Variants in NFASC observed in about 807,000 individuals in gnomAD.
The protein encoded by NFASC is neurofascin, also known as neurofascin homolog.
A neutral mutation model predicts 147.5 loss-of-function variants in NFASC; 43 were observed. That is an observed-to-expected ratio of 0.29 (90% CI 0.23 to 0.38). The LOEUF is 0.38. Ranked by LOEUF, NFASC falls within the 10% of genes least tolerant of loss-of-function variation. The probability of loss-of-function intolerance (pLI) is 1.00; values close to 1 mark genes in which losing one functional copy is unlikely to be tolerated. For synonymous variants in NFASC, 622 were observed against 665.5 expected (o/e 0.93, Z 1.01); for missense variants, 1,320 against 1,689.0 (o/e 0.78, Z 3.83).
intron 27 of NFASC, among the ~76,000 whole-genome samples, chr1:205,003,470 GT>G (rs2096039823): frequency 6.6e-6 from 1 of 152,196 alleles, no homozygotes; most frequent in Admixed American, 6.5e-5. Context: ...AGCAATCTCT[GT>G]GCTAGTAGGG....
At chr1:204,832,462 G>A (rs1288221997) in intron 1 of NFASC, among the ~76,000 whole-genome samples, 3 of 152,122 alleles carry the variant, frequency 2.0e-5, no homozygotes, top group African/African-American at 7.2e-5. Flanking sequence ...TTATGGGGAG[G>A]TCAGAGTCAG....
chr1:204,992,221 C>T (rs2095752371), intron 24 of NFASC, among the ~76,000 whole-genome samples: 1 of 152,172 alleles, frequency 6.6e-6, no homozygotes, highest in Non-Finnish European at 1.5e-5. Context: ...ACAGGATTCA[C>T]CCTGGCAGAG....
At chr1:204,894,513 C>T (rs941016955) in intron 1 of NFASC, among the ~76,000 whole-genome samples, 9 of 152,156 alleles carry the variant, frequency 5.9e-5, no homozygotes, top group African/African-American at 2.2e-4. Flanking sequence ...TTACAAAGAG[C>T]CTAGATATTA....
rs757694951 is a variant in NFASC, at chr1:204,950,542, C to T, written c.92-15C>T. ...CTTTTCTCCCTCTCCAATGCTAACC[C>T]GTCGGAACTAACAGCAAGCATTCAG... On this transcript the variant is annotated splice_polypyrimidine_tract_variant and intron_variant, in intron 3 of 29. Transcript: ENST00000339876. 20 of 1,611,338 alleles carry T rather than the reference C, an allele frequency of 1.2e-5. No individual in the cohort carries two copies. Among genetic ancestry groups the T allele is most frequent in the African/African-American group, 6.7e-5 (5 of 74,998 alleles).
intron 2 of NFASC, among the ~76,000 whole-genome samples, chr1:204,932,672 G>A (rs2092469034): frequency 2.6e-5 from 4 of 152,218 alleles, no homozygotes; most frequent in Admixed American, 2.0e-4. Flanking sequence ...ACTGTCTGTG[G>A]CTGCTTTCAC....
chr1:204,924,544 TG>T (rs1387519827), intron 2 of NFASC, among the ~76,000 whole-genome samples: 1 of 152,104 alleles, frequency 6.6e-6, no homozygotes. Context: ...TGGAAGAAGC[TG>T]GGGTGGAGTG....
At chr1:204,942,850 C>A (rs1206662757) in intron 2 of NFASC, among the ~76,000 whole-genome samples, 1 of 152,102 alleles carries the variant, frequency 6.6e-6, no homozygotes, top group Admixed American at 6.5e-5. Context: ...GAATAAGAAT[C>A]CTTTAGTTTG....
chr1:204,996,567 G>A (rs774957334), intron 24 of NFASC, among the ~76,000 whole-genome samples: 4 of 152,346 alleles, frequency 2.6e-5, no homozygotes, highest in Non-Finnish European at 4.4e-5. Flanking sequence ...GGAGGAGGGC[G>A]AGGGCAGGCA....
At chr1:204,962,800 T>C (rs959445665) in intron 8 of NFASC, among the ~76,000 whole-genome samples, 3 of 152,136 alleles carry the variant, frequency 2.0e-5, no homozygotes, top group Admixed American at 6.5e-5. Flanking sequence ...TGGTAGTATA[T>C]GCAAATCAAA....
At chr1:204,978,930 C>G (rs2095462623) in intron 17 of NFASC, 38 bp from the exon 18 acceptor site, 2 of 1,491,700 alleles carry the variant, frequency 1.3e-6, no homozygotes, top group Middle Eastern at 1.8e-4. Context: ...TGGACCTGCT[C>G]TAACTCAGGA....
chr1:204,940,951 A>G (rs1184895834), intron 2 of NFASC, among the ~76,000 whole-genome samples: 1 of 152,198 alleles, frequency 6.6e-6, no homozygotes, highest in Non-Finnish European at 1.5e-5. Context: ...ATCCTTTTGC[A>G]CATATACCTT....
At chr1:204,876,798 G>T (rs2078877495) in intron 1 of NFASC, among the ~76,000 whole-genome samples, 1 of 151,688 alleles carries the variant, frequency 6.6e-6, no homozygotes, top group Admixed American at 6.6e-5. Flanking sequence ...TTTCCAGGCT[G>T]AATAATATTC....
At chr1:204,878,357 GT>G (rs1266683681) in intron 1 of NFASC, among the ~76,000 whole-genome samples, 1 of 152,156 alleles carries the variant, frequency 6.6e-6, no homozygotes, top group Non-Finnish European at 1.5e-5. Context: ...AGTAAATGCA[GT>G]TTTCGCCGTT....
chr1:204,842,580 C>T (rs546737298), intron 1 of NFASC, among the ~76,000 whole-genome samples: 1 of 152,348 alleles, frequency 6.6e-6, no homozygotes, highest in South Asian at 2.1e-4. Flanking sequence ...AACAAATCCC[C>T]TGTCACCCAG....
At position 204,968,067 on chromosome 1, in the gene NFASC, G is replaced by T; in HGVS notation, c.707-182G>T. The T allele has an allele frequency of 5.2e-6, 3 of 574,356 alleles. No individual in the cohort carries two copies. Among genetic ancestry groups the T allele is most frequent in the Non-Finnish European group, 6.3e-6 (2 of 318,710 alleles). The allele number at this position is 574,356 out of a possible 1,614,324, so 35.6% of individuals were successfully genotyped here. A position where few individuals can be genotyped will look rare whatever the true frequency, so the allele number is the denominator to read the frequency against. Reference sequence around the variant, plus strand: ...AGCTCCTCTCTCTCATGTAGGTGGGGCTGAGGAGCCCTGGGCTTCCTAACA... The same window carrying T: ...AGCTCCTCTCTCTCATGTAGGTGGGTCTGAGGAGCCCTGGGCTTCCTAACA... On this transcript the variant is annotated intron_variant, in intron 8 of 29. Coordinates refer to ENST00000339876, the MANE Select transcript of NFASC (RefSeq NM_001005388.3). The surrounding 1 kb of genome is among the most constrained non-coding windows in gnomAD (Gnocchi z 5.4).
chr1:204,977,404 G>A (rs985438788), intron 16 of NFASC, among the ~76,000 whole-genome samples: 1 of 152,214 alleles, frequency 6.6e-6, no homozygotes, highest in Non-Finnish European at 1.5e-5. Flanking sequence ...ACTAGCATTG[G>A]CGCAGTGGAG....
chr1:204,831,950 CG>C (rs1672326350), intron 1 of NFASC, among the ~76,000 whole-genome samples: 1 of 152,098 alleles, frequency 6.6e-6, no homozygotes, highest in Non-Finnish European at 1.5e-5. Flanking sequence ...TGTTACACAG[CG>C]GGATCTTTAA....
intron 8 of NFASC, among the ~76,000 whole-genome samples, chr1:204,963,996 C>T (rs1159416019): frequency 6.6e-6 from 1 of 152,192 alleles, no homozygotes; most frequent in African/African-American, 2.4e-5. Flanking sequence ...GCTAGGTGCC[C>T]CCTGACCTGC....
Position 205,010,056 on chromosome 1 carries a change from G to A in NFASC, c.3421+368G>A. 1 of 240,158 alleles carries A rather than the reference G, an allele frequency of 4.2e-6. No individual in the cohort carries two copies. The highest frequency in any genetic ancestry group is 8.3e-6 in the Non-Finnish European group (1 of 120,510). 14.9% of individuals were successfully genotyped at this position (240,158 alleles called of 1,614,324 possible). A position where few individuals can be genotyped will look rare whatever the true frequency, so the allele number is the denominator to read the frequency against. ...TGTCCCAGGGAAGGAGAAAGGAAGA[G>A]AGGCATTTTCCCTAACCGTGTCCCA... On this transcript the variant is annotated intron_variant, in intron 28 of 29. Transcript: ENST00000339876. The surrounding 1 kb of genome is among the most constrained non-coding windows in gnomAD (Gnocchi z 4.1).
Sources: allele counts gnomAD v4.1 joint callset (sites outside exome capture counted in the v4.1 genomes callset), GRCh38; gene constraint gnomAD v4.1.1; non-coding constraint Gnocchi (gnomAD v3.1); transcripts MANE v1.5; gene names NCBI Gene and HGNC (gene_info 2026-07-23, HGNC 2026-07-21).